Variants in USP17L2 observed in about 807,000 individuals in gnomAD.
USP17L2 encodes ubiquitin specific peptidase 17 like family member 2, also known as ubiquitin carboxyl-terminal hydrolase 17.
In USP17L2, 29 loss-of-function variants were observed where a neutral mutation model predicts 39.8. That is an observed-to-expected ratio of 0.73 (90% CI 0.54 to 0.99). USP17L2 has a LOEUF of 0.99. Ranked by LOEUF, USP17L2 falls within the 50% of genes least tolerant of loss-of-function variation. The probability of loss-of-function intolerance (pLI) is 0.00; values close to 1 mark genes in which losing one functional copy is unlikely to be tolerated. For missense variants in USP17L2, 567 were observed against 647.2 expected (o/e 0.88, Z 1.35); for synonymous variants, 231 against 252.7 (o/e 0.91, Z 0.81).
chr8:12,138,077 C>A lies in USP17L2; in HGVS notation c.684G>T (p.Gln228His), dbSNP rs1261681943. Reference protein sequence around the residue: ...DPYLDIALDIQAAQSVKQALE... With the variant: ...DPYLDIALDIHAAQSVKQALE... The stretch of plus-strand genomic sequence containing the variant: ...AAGCTTGCTTGACACTCTGAGCTGC[C>A]TGGATATCCAGGGCGATGTCCAGGT... Residue 228 changes from glutamine (Q) to histidine (H), a missense_variant, in exon 1 of 1, where the codon CAG (glutamine) becomes CAT (histidine). Coordinates refer to ENST00000333796, the MANE Select transcript of USP17L2 (RefSeq NM_201402.3). The A allele has an allele frequency of 5.4e-6, 7 of 1,287,166 alleles. 1 individual carries two copies. Among genetic ancestry groups the A allele is most frequent in the Non-Finnish European group, 7.6e-6 (7 of 925,918 alleles). The allele number at this position is 1,287,166 out of a possible 1,614,324, so 79.7% of individuals were successfully genotyped here.
rs1344497934 is a variant in USP17L2 at position 12,137,744 on chromosome 8, G to A, written c.1017C>T (p.Val339=). ...SCHDGHYFSY[V]KAQEGQWYKM... The stretch of plus-strand genomic sequence containing the variant: ...TATACCACTGGCCTTCTTGAGCTTT[G>A]ACATAAGAGAAGTAATGTCCGTCGT... The change falls in exon 1 of 1, where the codon GTC becomes GTT. Residue 339 remains valine (V), a synonymous_variant. Transcript: ENST00000333796. The A allele has an allele frequency of 6.6e-7, 1 of 1,521,380 alleles. No homozygotes were observed. The allele number at this position is 1,521,380 out of a possible 1,614,324, so 94.2% of individuals were successfully genotyped here. A position where few individuals can be genotyped will look rare whatever the true frequency, so the allele number is the denominator to read the frequency against.
At position 12,138,490 on chromosome 8, in the gene USP17L2, C is replaced by T. The variant is rs373611717; in HGVS notation, c.271G>A (p.Glu91Lys). The stretch of plus-strand genomic sequence containing the variant: ...GTCAGGCACTGCAGGGAAGCGTTCT[C>T]GTAGCAGGTATTTCCCATATTCTGG... ...GLQNMGNTCY[E>K]NASLQCLTYT... The change falls in exon 1 of 1, where the codon GAG (glutamate) becomes AAG (lysine). Residue 91 changes from glutamate (E) to lysine (K), a missense_variant. By Grantham distance (56) the Glu-to-Lys change is moderately conservative. Around this residue, in one of 6 missense-constraint regions of USP17L2, gnomAD observed 120 missense variants for 111.0 expected, o/e 1.08. Transcript: ENST00000333796. 6.6e-5 allele frequency: 101 copies of T among 1,540,486 alleles called. 10 individuals carry two copies. In the African/African-American group the frequency reaches 7.1e-4, roughly 11 times the overall value.
rs1340052881 is a variant in USP17L2, at chr8:12,137,368, C to G, written c.1393G>C (p.Val465Leu). The G allele has an allele frequency of 3.3e-6, 5 of 1,531,724 alleles. 1 individual carries two copies. The African/African-American group carries it at 5.9e-5, about 18-fold the overall frequency. 94.9% of individuals were successfully genotyped at this position (1,531,724 alleles called of 1,614,324 possible). A position where few individuals can be genotyped will look rare whatever the true frequency, so the allele number is the denominator to read the frequency against. ...CACTTGTATTTCGATTGATGAATCA[C>G]AAGTACGTTGGGAGGCAGGGTACCT... ...VEGTLPPNVL[V>L]IHQSKYKCGM... The change falls in exon 1 of 1, where the codon GTG becomes CTG. Residue 465 changes from valine to leucine, a missense_variant. Val to Leu is a conservative substitution (Grantham distance 32). Transcript: ENST00000333796.
rs74324142 is a variant in USP17L2 at position 12,138,641 on chromosome 8, C to G, written c.120G>C (p.Lys40Asn). 350,289 of 1,481,298 alleles carry G rather than the reference C, an allele frequency of 0.24. 54,002 individuals are homozygous for G. The highest frequency in any genetic ancestry group is 0.53 in the East Asian group (20,361 of 38,204). 91.8% of individuals were successfully genotyped at this position (1,481,298 alleles called of 1,614,324 possible). ...CACGGGCCTCAGATGAGAGTGGTGA[C>G]TTCTCAGGGAGAGAAGTCCGCTGGA... ...AEIQRTSLPEKSPLSSEARVD... is the reference protein window; with the variant it reads ...AEIQRTSLPENSPLSSEARVD... The change falls in exon 1 of 1, where the codon AAG becomes AAC. Residue 40 changes from lysine to asparagine, a missense_variant. Lys to Asn is a moderately conservative substitution (Grantham distance 94). Around this residue, in one of 6 missense-constraint regions of USP17L2, gnomAD observed 120 missense variants for 111.0 expected, o/e 1.08. Coordinates refer to ENST00000333796, the MANE Select transcript of USP17L2 (RefSeq NM_201402.3).
rs1803246265 is a variant in USP17L2 at position 12,136,936 on chromosome 8, A to G, written c.*232T>C. 2.1e-5 allele frequency among the ~76,000 whole-genome samples: 3 copies of G among 140,732 alleles called. 1 individual carries two copies. The South Asian group carries it at 7.5e-4, about 35-fold the overall frequency. The allele number at this position is 140,732 out of a possible 152,430, so 92.3% of individuals were successfully genotyped here. Reference sequence around the variant, plus strand: ...GTCTCTCCAGAGGTTCGGAAGACTCACGACCCCAAAACTTGATGTTTCCCA... The same window carrying G: ...GTCTCTCCAGAGGTTCGGAAGACTCGCGACCCCAAAACTTGATGTTTCCCA... On this transcript the variant is annotated 3_prime_UTR_variant, in exon 1 of 1. Transcript: ENST00000333796.
Position 12,137,205 on chromosome 8 carries a change from T to C in USP17L2, c.1556A>G (p.Asn519Ser). Reference protein sequence around the residue: ...QGRTRRSKGKNKHSKRALLVC... With the variant: ...QGRTRRSKGKSKHSKRALLVC... ...AAGCAGAGCCCTCTTGCTGTGTTTGTTCTTCCCTTTGGATCTCCTGGTCCT... is the reference window on the plus strand; with the variant it reads ...AAGCAGAGCCCTCTTGCTGTGTTTGCTCTTCCCTTTGGATCTCCTGGTCCT... The change falls in exon 1 of 1, where the codon AAC (asparagine) becomes AGC (serine). Residue 519 changes from asparagine (N) to serine (S), a missense_variant. Physicochemically the swap from Asn to Ser is conservative, Grantham distance 46 (BLOSUM62 1). Transcript: ENST00000333796. The C allele has an allele frequency of 2.0e-6, 3 of 1,531,028 alleles. 1 individual carries two copies. Among genetic ancestry groups the C allele is most frequent in the Non-Finnish European group, 2.6e-6 (3 of 1,135,376 alleles). 94.8% of individuals were successfully genotyped at this position (1,531,028 alleles called of 1,614,324 possible).
Position 12,138,488 on chromosome 8 carries a change from C to A in USP17L2, c.273G>T (p.Glu91Asp). ...GLQNMGNTCY[E>D]NASLQCLTYT... ...ATGTCAGGCACTGCAGGGAAGCGTT[C>A]TCGTAGCAGGTATTTCCCATATTCT... The change falls in exon 1 of 1, where the codon GAG (glutamate) becomes GAT (aspartate). Residue 91 changes from glutamate (E) to aspartate (D), a missense_variant. Coordinates refer to ENST00000333796, the MANE Select transcript of USP17L2 (RefSeq NM_201402.3). The A allele has an allele frequency of 6.5e-7, 1 of 1,540,648 alleles. No homozygotes were observed.
chr8:12,138,621 G>A lies in USP17L2; in HGVS notation c.140C>T (p.Ala47Val), dbSNP rs1803371541. 4 of 1,530,512 alleles carry A rather than the reference G, an allele frequency of 2.6e-6. 1 individual carries two copies. Among genetic ancestry groups the A allele is most frequent in the Non-Finnish European group, 3.5e-6 (4 of 1,134,582 alleles). 94.8% of individuals were successfully genotyped at this position (1,530,512 alleles called of 1,614,324 possible). The change falls in exon 1 of 1, where the codon GCC becomes GTC. Residue 47 changes from alanine (A) to valine (V), a missense_variant. By Grantham distance (64) the Ala-to-Val change is moderately conservative. This residue lies in a region of USP17L2 where 120 missense variants were observed against 111.0 expected (regional missense o/e 1.08). Coordinates refer to ENST00000333796, the MANE Select transcript of USP17L2 (RefSeq NM_201402.3). ...LPEKSPLSSE[A>V]RVDLCDDLAP... ...CAAATCATCACAGAGGTCGACACGGGCCTCAGATGAGAGTGGTGACTTCTC... is the reference window on the plus strand; with the variant it reads ...CAAATCATCACAGAGGTCGACACGGACCTCAGATGAGAGTGGTGACTTCTC...
rs1366790234 is a variant in USP17L2, at chr8:12,136,706, G to T, written c.*462C>A. 7.1e-6 allele frequency among the ~76,000 whole-genome samples: 1 copy of T among 140,466 alleles called. No homozygotes were observed. Among genetic ancestry groups the T allele is most frequent in the African/African-American group, 2.7e-5 (1 of 37,196 alleles). 92.2% of individuals were successfully genotyped at this position (140,466 alleles called of 152,430 possible). A position where few individuals can be genotyped will look rare whatever the true frequency, so the allele number is the denominator to read the frequency against. ...TGCATTCCAGTTTCCACTATTCAAG[G>T]TGGCGAGAATGATCCATGGATGTGC... On this transcript the variant is annotated 3_prime_UTR_variant, in exon 1 of 1. Coordinates refer to ENST00000333796, the MANE Select transcript of USP17L2 (RefSeq NM_201402.3).
rs1296177252 is a variant in USP17L2, at chr8:12,138,014, C to G, written c.747G>C (p.Glu249Asp). The G allele has an allele frequency of 8.9e-6, 13 of 1,454,406 alleles. 2 individuals are homozygous for G. The highest frequency in any genetic ancestry group is 1.0e-5 in the Non-Finnish European group (11 of 1,069,926). 90.1% of individuals were successfully genotyped at this position (1,454,406 alleles called of 1,614,324 possible). ...QLVKPEELNG[E>D]NAYHCGLCLQ... Reference sequence around the variant, plus strand: ...GACAAAGACCGCAATGATAGGCATTCTCTCCATTGAGTTCTTCGGGCTTCA... The same window carrying G: ...GACAAAGACCGCAATGATAGGCATTGTCTCCATTGAGTTCTTCGGGCTTCA... The change falls in exon 1 of 1, where the codon GAG becomes GAC. Residue 249 changes from glutamate (E) to aspartate (D), a missense_variant. Around this residue, in one of 6 missense-constraint regions of USP17L2, gnomAD observed 11 missense variants for 36.7 expected, o/e 0.30. Coordinates refer to ENST00000333796, the MANE Select transcript of USP17L2 (RefSeq NM_201402.3).
At position 12,137,486 on chromosome 8, in the gene USP17L2, C is replaced by A. The variant is rs752026404; in HGVS notation, c.1275G>T (p.Val425=). 3.3e-6 allele frequency: 5 copies of A among 1,532,758 alleles called. No homozygotes were observed. The highest frequency in any genetic ancestry group is 1.5e-5 in the African/African-American group (1 of 68,276). The allele number at this position is 1,532,758 out of a possible 1,614,324, so 94.9% of individuals were successfully genotyped here. A position where few individuals can be genotyped will look rare whatever the true frequency, so the allele number is the denominator to read the frequency against. The change falls in exon 1 of 1, where the codon GTG becomes GTT. Residue 425 remains valine, a synonymous_variant. Coordinates refer to ENST00000333796, the MANE Select transcript of USP17L2 (RefSeq NM_201402.3). ...AGGTGCTTTCCTGAGTGGCTCTTTC[C>A]ACCAAGCGCTCGTCCAACTCGGGTG... ...LQAPELDERL[V]ERATQESTLD...
chr8:12,137,256 G>T lies in USP17L2; in HGVS notation c.1505C>A (p.Thr502Asn), dbSNP rs959725556. The change falls in exon 1 of 1, where the codon ACT (threonine) becomes AAT (asparagine). Residue 502 changes from threonine to asparagine, a missense_variant. Coordinates refer to ENST00000333796, the MANE Select transcript of USP17L2 (RefSeq NM_201402.3). ...TTRTDQESVN[T>N]GTLASLQGRT... Reference sequence around the variant, plus strand: ...CCCTTGCAGAGAAGCGAGGGTGCCAGTGTTCACGGACTCCTGATCTGTCCG... The same window carrying T: ...CCCTTGCAGAGAAGCGAGGGTGCCATTGTTCACGGACTCCTGATCTGTCCG... The T allele has an allele frequency of 1.4e-5, 21 of 1,530,642 alleles. No individual in the cohort carries two copies. The highest frequency in any genetic ancestry group is 1.7e-5 in the Non-Finnish European group (19 of 1,135,036). The allele number at this position is 1,530,642 out of a possible 1,614,324, so 94.8% of individuals were successfully genotyped here.
chr8:12,137,417 A>G lies in USP17L2; in HGVS notation c.1344T>C (p.Pro448=), dbSNP rs375554523. The G allele has an allele frequency of 1.4e-4, 214 of 1,532,270 alleles. 33 individuals are homozygous for G. Among genetic ancestry groups the G allele is most frequent in the Non-Finnish European group, 1.3e-4 (142 of 1,135,456 alleles). 94.9% of individuals were successfully genotyped at this position (1,532,270 alleles called of 1,614,324 possible). Residue 448 remains proline (P), a synonymous_variant, in exon 1 of 1, where the codon CCT becomes CCC. Transcript: ENST00000333796. The stretch of plus-strand genomic sequence containing the variant: ...CTTCGACTTTTCTGACGTTGAACTC[A>G]GGCTTCGTTTTGTTTTGCTCTTGGG... ...KFPQEQNKTK[P]EFNVRKVEGT...
chr8:12,136,688 C>T lies in USP17L2; in HGVS notation c.*480G>A, dbSNP rs774514716. ...CCGTTCCTATCTTCTAAATGCATTCCAGTTTCCACTATTCAAGGTGGCGAG... is the reference window on the plus strand; with the variant it reads ...CCGTTCCTATCTTCTAAATGCATTCTAGTTTCCACTATTCAAGGTGGCGAG... On this transcript the variant is annotated 3_prime_UTR_variant, in exon 1 of 1. Transcript: ENST00000333796. Among the ~76,000 whole-genome samples the T allele has an allele frequency of 7.8e-5, 11 of 140,380 alleles. 1 individual carries two copies. Among genetic ancestry groups the T allele is most frequent in the African/African-American group, 3.0e-4 (11 of 37,202 alleles). 92.1% of individuals were successfully genotyped at this position (140,380 alleles called of 152,430 possible).
Position 12,137,953 on chromosome 8 carries a change from G to T in USP17L2, c.808C>A (p.His270Asn), listed in dbSNP as rs1258874598. The T allele has an allele frequency of 6.6e-7, 1 of 1,526,090 alleles. No individual in the cohort carries two copies. The highest frequency in any genetic ancestry group is 1.2e-5 in the South Asian group (1 of 81,950). The allele number at this position is 1,526,090 out of a possible 1,614,324, so 94.5% of individuals were successfully genotyped here. The change falls in exon 1 of 1, where the codon CAC (histidine) becomes AAC (asparagine). Residue 270 changes from histidine to asparagine, a missense_variant. His to Asn is a moderately conservative substitution (Grantham distance 68, BLOSUM62 1). Transcript: ENST00000333796. The part of the protein sequence containing the change: ...RAPASKTLTL[H>N]TSAKVLILVL... ...AGGATGAGGACCTTGGCAGAAGTGT[G>T]TAAAGTTAACGTCTTGGAGGCCGGC...
At position 12,138,532 on chromosome 8, in the gene USP17L2, C is replaced by T. The variant is rs774709275; in HGVS notation, c.229G>A (p.Ala77Thr). 6.5e-7 allele frequency: 1 copy of T among 1,534,518 alleles called. No individual in the cohort carries two copies. The highest frequency in any genetic ancestry group is 1.5e-5 in the African/African-American group (1 of 68,876). ...KLPLSSRRPA[A>T]VGAGLQNMGN... Reference sequence around the variant, plus strand: ...ATATTCTGGAGCCCAGCCCCCACCGCAGCAGGTCTCCTGCTACTCAGAGGA... The same window carrying T: ...ATATTCTGGAGCCCAGCCCCCACCGTAGCAGGTCTCCTGCTACTCAGAGGA... The change falls in exon 1 of 1, where the codon GCG (alanine) becomes ACG (threonine). Residue 77 changes from alanine (A) to threonine (T), a missense_variant. This residue lies in a region of USP17L2 where 120 missense variants were observed against 111.0 expected (regional missense o/e 1.08). Coordinates refer to ENST00000333796, the MANE Select transcript of USP17L2 (RefSeq NM_201402.3).
Position 12,137,136 on chromosome 8 carries a change from C to T in USP17L2, c.*32G>A, listed in dbSNP as rs777059263. ...TTGTGCGTGTGTGTGTGTGCGTTCA[C>T]CCCTACGTGTGGGTCGGCACTTCCA... On this transcript the variant is annotated 3_prime_UTR_variant, in exon 1 of 1. Transcript: ENST00000333796. 22 of 1,522,426 alleles carry T rather than the reference C, an allele frequency of 1.4e-5. 1 individual carries two copies. The highest frequency in any genetic ancestry group is 1.4e-5 in the Non-Finnish European group (16 of 1,127,890). 94.3% of individuals were successfully genotyped at this position (1,522,426 alleles called of 1,614,324 possible).
Position 12,137,949 on chromosome 8 carries a change from G to A in USP17L2, c.812C>T (p.Thr271Ile). ...APASKTLTLH[T>I]SAKVLILVLK... ...GACAAGGATGAGGACCTTGGCAGAA[G>A]TGTGTAAAGTTAACGTCTTGGAGGC... Residue 271 changes from threonine (T) to isoleucine (I), a missense_variant, in exon 1 of 1, where the codon ACT becomes ATT. By Grantham distance (89) the Thr-to-Ile change is moderately conservative. Around this residue, in one of 6 missense-constraint regions of USP17L2, gnomAD observed 65 missense variants for 84.8 expected, o/e 0.77. Transcript: ENST00000333796. 6.6e-7 allele frequency: 1 copy of A among 1,526,518 alleles called. No homozygotes were observed. Among genetic ancestry groups the A allele is most frequent in the South Asian group, 1.2e-5 (1 of 81,994 alleles). The allele number at this position is 1,526,518 out of a possible 1,614,324, so 94.6% of individuals were successfully genotyped here. A position where few individuals can be genotyped will look rare whatever the true frequency, so the allele number is the denominator to read the frequency against.
At position 12,137,791 on chromosome 8, in the gene USP17L2, C is replaced by A. The variant is rs781046117; in HGVS notation, c.970G>T (p.Val324Phe). ...PLVYVLYAVL[V>F]HAGWSCHDGH... is the part of the protein sequence containing the mutation. ...TCGTGACAACTCCACCCAGCGTGGA[C>A]CAGCACAGCATAGAGGACATAGACA... The change falls in exon 1 of 1, where the codon GTC (valine) becomes TTC (phenylalanine). Residue 324 changes from valine (V) to phenylalanine (F), a missense_variant. Val to Phe is a conservative substitution (Grantham distance 50). Around this residue, in one of 6 missense-constraint regions of USP17L2, gnomAD observed 304 missense variants for 254.7 expected, o/e 1.19. Coordinates refer to ENST00000333796, the MANE Select transcript of USP17L2 (RefSeq NM_201402.3). 2 of 1,487,910 alleles carry A rather than the reference C, an allele frequency of 1.3e-6. No individual in the cohort carries two copies. The highest frequency in any genetic ancestry group is 3.6e-5 in the Admixed American group (2 of 55,726). 92.2% of individuals were successfully genotyped at this position (1,487,910 alleles called of 1,614,324 possible).
Sources: gnomAD v4.1 joint callset for allele counts (sites outside exome capture counted in the v4.1 genomes callset) on GRCh38, gnomAD v4.1.1 for gene constraint, gnomAD v4.1.1 regional missense constraint, MANE v1.5 for transcripts, NCBI Gene and HGNC (gene_info 2026-07-23, HGNC 2026-07-21) for gene names.